The following GLIPR1 variants were observed in gnomAD, a reference collection of about 807,000 sequenced individuals.
The protein encoded by GLIPR1 is GLI pathogenesis related 1, also known as glioma pathogenesis-related protein 1.
GLIPR1 carries 38 observed loss-of-function variants against 30.3 expected under a neutral mutation model. That is an observed-to-expected ratio of 1.26 (90% CI 0.97 to 1.65). The LOEUF is 1.65. Ranked by LOEUF, GLIPR1 falls within the 40% of genes most tolerant of loss-of-function variation. The pLI is 0.00. For synonymous variants in GLIPR1, 122 were observed against 110.6 expected (o/e 1.10, Z -0.65); for missense variants, 285 against 326.5 (o/e 0.87, Z 0.98).
intron 4 of GLIPR1, chr12:75,498,240 C>T (rs2046363729): frequency 6.6e-6 from 1 of 152,544 alleles, no homozygotes; most frequent in Non-Finnish European, 1.5e-5. Context: ...GATAGCCAAA[C>T]ATCGTAATGA....
At chr12:75,493,040 A>G (rs1022158736) in intron 3 of GLIPR1, 1 of 152,244 alleles carries the variant, frequency 6.6e-6, no homozygotes, top group African/African-American at 2.4e-5. Flanking sequence ...TTCCGTGAAG[A>G]AAAGTTTGGC....
rs969210680 is a variant in GLIPR1, at chr12:75,500,134, T to G, written c.*1156T>G. ...ACACTTGCCTAAAGCAGTTAGAAAT[T>G]TCTTCAGATTAAGATAAAACAAATC... is the stretch of plus-strand genomic sequence containing the variant. On this transcript the variant is annotated 3_prime_UTR_variant, in exon 6 of 6. Coordinates refer to ENST00000266659, the MANE Select transcript of GLIPR1 (RefSeq NM_006851.3). 1 of 442,098 alleles carries G rather than the reference T, an allele frequency of 2.3e-6. No homozygotes were observed. The highest frequency in any genetic ancestry group is 2.1e-5 in the African/African-American group (1 of 48,290). 27.4% of individuals were successfully genotyped at this position (442,098 alleles called of 1,614,324 possible). A position where few individuals can be genotyped will look rare whatever the true frequency, so the allele number is the denominator to read the frequency against.
In GLIPR1 at chr12:75,501,970, A is replaced by G. The variant is rs1450653214; in HGVS notation, c.*2992A>G. The G allele has an allele frequency of 6.2e-7, 1 of 1,612,224 alleles. No individual in the cohort carries two copies. Among genetic ancestry groups the G allele is most frequent in the Non-Finnish European group, 8.5e-7 (1 of 1,179,082 alleles). ...CGCTTCTTCTGATTTGCCTTCAAAAAGTATTCACCACTAGCCAATTCTTTA... is the reference window on the plus strand; with the variant it reads ...CGCTTCTTCTGATTTGCCTTCAAAAGGTATTCACCACTAGCCAATTCTTTA... On this transcript the variant is annotated 3_prime_UTR_variant, in exon 6 of 6. Transcript: ENST00000266659.
At chr12:75,492,733 C>A (rs905561037) in intron 3 of GLIPR1, 1 of 152,118 alleles carries the variant, frequency 6.6e-6, no homozygotes, top group African/African-American at 2.4e-5. Context: ...ATTTATTCAA[C>A]AAATATTTGT....
intron 3 of GLIPR1, chr12:75,492,498 G>C (rs1013114882): frequency 6.6e-6 from 1 of 152,222 alleles, no homozygotes; most frequent in African/African-American, 2.4e-5. Flanking sequence ...CCATCACTTA[G>C]AGTAGCTATG....
rs770080673 is a variant in GLIPR1 at position 75,501,795 on chromosome 12, T to C, written c.*2817T>C. On this transcript the variant is annotated 3_prime_UTR_variant, in exon 6 of 6. Transcript: ENST00000266659. ...TTGTTTCTTTCCTCTTGTCTCTTAC[T>C]GATGGCTTCTGCTTGTTTAGCCTAC... 1.2e-6 allele frequency: 2 copies of C among 1,609,890 alleles called. No homozygotes were observed. Among genetic ancestry groups the C allele is most frequent in the South Asian group, 2.2e-5 (2 of 90,536 alleles).
At chr12:75,498,028 A>G (rs2046362308) in intron 4 of GLIPR1, 1 of 152,272 alleles carries the variant, frequency 6.6e-6, no homozygotes. Context: ...GCTCACCAGT[A>G]CCCAGAGGAC....
chr12:75,490,629 G>A, intron 3 of GLIPR1, 111 bp downstream of exon 3: 6 of 547,614 alleles, frequency 1.1e-5, no homozygotes, highest in South Asian at 2.2e-5. Context: ...TAGAAAATCT[G>A]GATAAAGTAT....
chr12:75,481,014 G>C lies in GLIPR1; in HGVS notation c.134G>C (p.Arg45Pro). 1 of 1,613,680 alleles carries C rather than the reference G, an allele frequency of 6.2e-7. No individual in the cohort carries two copies. The highest frequency in any genetic ancestry group is 1.1e-5 in the South Asian group (1 of 91,020). ...TGCGTTCGAATCCATAACAAGTTCC[G>C]ATCAGAGGTGAAACCAACAGCCAGT... ...KDCVRIHNKF[R>P]SEVKPTASDM... is the part of the protein sequence containing the mutation. The change falls in exon 1 of 6, where the codon CGA (arginine) becomes CCA (proline). Residue 45 changes from arginine (R) to proline (P), a missense_variant. Transcript: ENST00000266659.
At chr12:75,494,492 G>A (rs976875293) in intron 3 of GLIPR1, 2 of 151,960 alleles carry the variant, frequency 1.3e-5, no homozygotes, top group African/African-American at 2.4e-5. Flanking sequence ...AATAGCCCCC[G>A]GTAGATCTTA....
chr12:75,492,088 CTTTTTTTT>C (rs34425658), intron 3 of GLIPR1: 1 of 140,590 alleles, frequency 7.1e-6, no homozygotes, highest in Non-Finnish European at 1.5e-5. Flanking sequence ...CTTTTCATGA[CTTTTTTTT>C]TTTTTTTTGA....
chr12:75,501,657 A>C lies in GLIPR1; in HGVS notation c.*2679A>C. On this transcript the variant is annotated 3_prime_UTR_variant, in exon 6 of 6. Transcript: ENST00000266659. ...ATACAACTGTTTCTTAAAAAGATTC[A>C]GACAAATTTATTATGGGTTTACTTT... The C allele has an allele frequency of 7.7e-6, 8 of 1,043,572 alleles. No individual in the cohort carries two copies. The highest frequency in any genetic ancestry group is 1.0e-5 in the Non-Finnish European group (7 of 692,936). The allele number at this position is 1,043,572 out of a possible 1,614,324, so 64.6% of individuals were successfully genotyped here.
intron 4 of GLIPR1, chr12:75,498,237 A>C (rs2046363713): frequency 6.6e-6 from 1 of 152,622 alleles, no homozygotes; most frequent in South Asian, 2.1e-4. Flanking sequence ...CTTGATAGCC[A>C]AACATCGTAA....
At position 75,499,821 on chromosome 12, in the gene GLIPR1, CTTCT is replaced by C. The variant is rs765892193; in HGVS notation, c.*846_*849del. 7 of 1,586,076 alleles carry C rather than the reference CTTCT, an allele frequency of 4.4e-6. No homozygotes were observed. The Admixed American group carries it at 1.1e-4, about 24-fold the overall frequency. On this transcript the variant is annotated 3_prime_UTR_variant, in exon 6 of 6. Coordinates refer to ENST00000266659, the MANE Select transcript of GLIPR1 (RefSeq NM_006851.3). ...AGTTTTGGGTATGTTACTTTTTTTT[CTTCT>C]TTTTCTTTTCATCTGCCTCCATCTT...
chr12:75,495,437 T>C, intron 3 of GLIPR1, 140 bp from the exon 4 acceptor site: 1 of 581,464 alleles, frequency 1.7e-6, no homozygotes, highest in Non-Finnish European at 3.2e-6. Flanking sequence ...TCTGCCTTCC[T>C]GTCTTCACTT....
Position 75,502,081 on chromosome 12 carries a change from G to A in GLIPR1, c.*3103G>A, listed in dbSNP as rs1220160936. On this transcript the variant is annotated 3_prime_UTR_variant, in exon 6 of 6. Coordinates refer to ENST00000266659, the MANE Select transcript of GLIPR1 (RefSeq NM_006851.3). ...TCCTAAGCAAGTCACAATATCCTTA[G>A]GGTAAAAACAATGGGGTCAAACTGA... is the stretch of plus-strand genomic sequence containing the variant. The A allele has an allele frequency of 3.5e-6, 4 of 1,133,686 alleles. No homozygotes were observed. The African/African-American group carries it at 6.2e-5, about 18-fold the overall frequency. The allele number at this position is 1,133,686 out of a possible 1,614,324, so 70.2% of individuals were successfully genotyped here.
rs1429052210 is a variant in GLIPR1, at chr12:75,500,452, T to C, written c.*1474T>C. ...TAATATCAAAACGAAAATTTAAAGT[T>C]TTCCAAATATTAATTCAATATTAAT... On this transcript the variant is annotated 3_prime_UTR_variant, in exon 6 of 6. Coordinates refer to ENST00000266659, the MANE Select transcript of GLIPR1 (RefSeq NM_006851.3). 2 of 151,530 alleles carry C rather than the reference T, an allele frequency of 1.3e-5. No homozygotes were observed. The highest frequency in any genetic ancestry group is 4.8e-5 in the African/African-American group (2 of 41,332). The allele number at this position is 151,530 out of a possible 1,614,324, so 9.4% of individuals were successfully genotyped here.
rs188755117 is a variant in GLIPR1, at chr12:75,500,107, A to G, written c.*1129A>G. The G allele has an allele frequency of 7.5e-6, 4 of 534,474 alleles. No individual in the cohort carries two copies. In the African/African-American group the frequency reaches 8.0e-5, roughly 11 times the overall value. 33.1% of individuals were successfully genotyped at this position (534,474 alleles called of 1,614,324 possible). A position where few individuals can be genotyped will look rare whatever the true frequency, so the allele number is the denominator to read the frequency against. ...AAGGTGATCACAGTATAAAATATAA[A>G]AACACTTGCCTAAAGCAGTTAGAAA... On this transcript the variant is annotated 3_prime_UTR_variant, in exon 6 of 6. Transcript: ENST00000266659.
At chr12:75,485,561 A>ATTTATTTTTTT (rs766932767) in intron 2 of GLIPR1, among the ~76,000 whole-genome samples, 1 of 148,786 alleles carries the variant, frequency 6.7e-6, no homozygotes, top group Non-Finnish European at 1.5e-5. Context: ...TTATTTATTT[A>ATTTATTTTTTT]TTTTTTTGAG....
Sources: gnomAD v4.1 joint callset for allele counts (sites outside exome capture counted in the v4.1 genomes callset) on GRCh38, gnomAD v4.1.1 for gene constraint, MANE v1.5 for transcripts, NCBI Gene and HGNC (gene_info 2026-07-23, HGNC 2026-07-21) for gene names.